ELP1: variants seen among roughly 807,000 people sequenced by gnomAD.
ELP1 encodes the protein elongator acetyltransferase complex subunit 1, also known as elongator complex protein 1.
Under a neutral mutation model 183.2 loss-of-function variants are expected in ELP1, and 131 were observed. The ratio of observed to expected loss-of-function variants is 0.72; its 90% CI spans 0.62 to 0.83. The LOEUF (loss-of-function observed/expected upper bound fraction) is 0.83. ELP1 is among the 40% of genes least tolerant of loss of function. ELP1 has a pLI of 0.00. For synonymous variants in ELP1, 555 were observed against 569.0 expected, an observed-to-expected ratio of 0.98 and a Z score of 0.35; for missense variants, 1,550 against 1,594.9, an observed-to-expected ratio of 0.97 and a Z score of 0.48.
chr9:108,909,902 C>G (rs540419076), intron 12 of ELP1, among the ~76,000 whole-genome samples: 1 of 151,978 alleles, frequency 6.6e-6, no homozygotes, highest in South Asian at 2.1e-4. Flanking sequence ...TAAAATTGAT[C>G]GTGGTGATGG....
At chr9:108,917,822 T>C (rs1829505292) in intron 8 of ELP1, 152 bp from the exon 9 acceptor site, 3 of 886,838 alleles carry the variant, frequency 3.4e-6, no homozygotes, top group South Asian at 1.4e-5. Flanking sequence ...ATCCCATGTG[T>C]CCCTTGTCTC....
At position 108,868,613 on chromosome 9, in the gene ELP1, G is replaced by C. The variant is rs56305287; in HGVS notation, c.*502C>G. The C allele has an allele frequency of 2.2e-6, 1 of 452,770 alleles. No homozygotes were observed. The highest frequency in any genetic ancestry group is 3.9e-6 in the Non-Finnish European group (1 of 259,648). The allele number at this position is 452,770 out of a possible 1,614,324, so 28.0% of individuals were successfully genotyped here. On this transcript the variant is annotated 3_prime_UTR_variant, in exon 37 of 37. Coordinates refer to ENST00000374647, the MANE Select transcript of ELP1 (RefSeq NM_003640.5). ...CCTGGTAAGATGTTACAAAATAATAGCTGTCAGCAAAGGAGGGCTTATAAT... is the reference window on the plus strand; with the variant it reads ...CCTGGTAAGATGTTACAAAATAATACCTGTCAGCAAAGGAGGGCTTATAAT...
chr9:108,880,294 G>C (rs1002307742), intron 31 of ELP1, 129 bp from the exon 32 acceptor site: 2 of 695,582 alleles, frequency 2.9e-6, no homozygotes, highest in African/African-American at 3.6e-5. Flanking sequence ...TTCCAAGCGA[G>C]CTCTTTTTCC....
intron 25 of ELP1, 81 bp from the exon 26 acceptor site, chr9:108,894,147 A>G (rs1828450818): frequency 1.2e-6 from 1 of 810,652 alleles, no homozygotes; most frequent in African/African-American, 1.7e-5. Context: ...ATATAGCAAT[A>G]AACCCAAAGC....
rs1828331005 is a variant in ELP1 at position 108,891,407 on chromosome 9, G to A, written c.2959-3C>T. On this transcript the variant is annotated splice_region_variant and splice_polypyrimidine_tract_variant and intron_variant, in intron 27 of 36. Coordinates refer to ENST00000374647, the MANE Select transcript of ELP1 (RefSeq NM_003640.5). Reference sequence around the variant, plus strand: ...TCCCCATAAGCAATGCTGATATCCTGTGACAAGAGGAGATTTAGGACTGAG... The same window carrying A: ...TCCCCATAAGCAATGCTGATATCCTATGACAAGAGGAGATTTAGGACTGAG... 3 of 1,612,436 alleles carry A rather than the reference G, an allele frequency of 1.9e-6. No individual in the cohort carries two copies. In the East Asian group the frequency reaches 6.7e-5, roughly 36 times the overall value.
chr9:108,899,398 T>A (rs1046070534), intron 20 of ELP1, among the ~76,000 whole-genome samples: 7 of 152,290 alleles, frequency 4.6e-5, no homozygotes, highest in African/African-American at 1.7e-4. Flanking sequence ...CCAAATAGGT[T>A]CAGAAAATCA....
In ELP1 at chr9:108,878,803, G is replaced by C; in HGVS notation, c.3573-53C>G. The C allele has an allele frequency of 1.9e-6, 3 of 1,598,884 alleles. No homozygotes were observed. The East Asian group carries it at 6.7e-5, about 36-fold the overall frequency. On this transcript the variant is annotated intron_variant, in intron 33 of 36. Transcript: ENST00000374647. ...AGCCTCCTGAGTAGCTAGGACTACA[G>C]GCATGTGCTACCTTGCCTGGCTACT...
chr9:108,877,077 T>A (rs894442562), intron 35 of ELP1, among the ~76,000 whole-genome samples: 1 of 152,156 alleles, frequency 6.6e-6, no homozygotes, highest in Non-Finnish European at 1.5e-5. Context: ...TCCTTCCAGT[T>A]TCCATTTACT....
Position 108,899,857 on chromosome 9 carries a change from G to A in ELP1, c.2169C>T (p.Ala723=), listed in dbSNP as rs1221473738. 6.2e-7 allele frequency: 1 copy of A among 1,613,928 alleles called. No homozygotes were observed. The highest frequency in any genetic ancestry group is 2.2e-5 in the East Asian group (1 of 44,872). ...RGNLEVVHHR[A]LVLAQIRKWL... ...ACTTCCGAATCTGAGCTAAAACCAGGGCTCGATGATGAACAACTTCTAAGT... is the reference window on the plus strand; with the variant it reads ...ACTTCCGAATCTGAGCTAAAACCAGAGCTCGATGATGAACAACTTCTAAGT... The change falls in exon 20 of 37, where the codon GCC becomes GCT. Residue 723 remains alanine, a synonymous_variant. Coordinates refer to ENST00000374647, the MANE Select transcript of ELP1 (RefSeq NM_003640.5).
chr9:108,917,537 A>G lies in ELP1; in HGVS notation c.864+10T>C. ...CTACATTCGAGGGTGAAACAAACTC[A>G]GGCACTTACCTTAACCTCATCTTTA... On this transcript the variant is annotated intron_variant, in intron 9 of 36. Coordinates refer to ENST00000374647, the MANE Select transcript of ELP1 (RefSeq NM_003640.5). 6.2e-7 allele frequency: 1 copy of G among 1,613,764 alleles called. No individual in the cohort carries two copies. The highest frequency in any genetic ancestry group is 8.5e-7 in the Non-Finnish European group (1 of 1,179,718).
chr9:108,904,398 A>G (rs1828943672), intron 14 of ELP1, among the ~76,000 whole-genome samples: 1 of 152,108 alleles, frequency 6.6e-6, no homozygotes, highest in Non-Finnish European at 1.5e-5. Context: ...CCACGGAAGC[A>G]GAATTTCTCA....
chr9:108,872,822 A>G (rs1587865487), intron 36 of ELP1, among the ~76,000 whole-genome samples: 2 of 64,486 alleles, frequency 3.1e-5, no homozygotes, highest in East Asian at 1.2e-3. Flanking sequence ...AAAAAAAAAA[A>G]AAAAAAAAAA....
intron 1 of ELP1, among the ~76,000 whole-genome samples, chr9:108,933,541 G>A (rs1340439030): frequency 2.6e-5 from 4 of 152,362 alleles, no homozygotes; most frequent in African/African-American, 9.6e-5. Context: ...CAGCACCCGA[G>A]CCTCTATTAA....
At chr9:108,892,576 AGGC>A (rs1828383072) in intron 27 of ELP1, among the ~76,000 whole-genome samples, 1 of 152,198 alleles carries the variant, frequency 6.6e-6, no homozygotes, top group Non-Finnish European at 1.5e-5. Flanking sequence ...GCACCCTATG[AGGC>A]TGTTAAGAGG....
chr9:108,874,759 G>T, intron 36 of ELP1, 136 bp downstream of exon 36: 1 of 693,668 alleles, frequency 1.4e-6, no homozygotes, highest in East Asian at 2.6e-5. Flanking sequence ...TCTTAGAATT[G>T]AGGAAGAATT....
At chr9:108,875,839 G>C in intron 35 of ELP1, 1 of 286,034 alleles carries the variant, frequency 3.5e-6, no homozygotes, top group Non-Finnish European at 7.0e-6. Flanking sequence ...AGGCATTCGA[G>C]GCTGCACCAA....
At chr9:108,917,754 C>G in intron 8 of ELP1, 84 bp from the exon 9 acceptor site, 1 of 1,403,446 alleles carries the variant, frequency 7.1e-7, no homozygotes, top group Non-Finnish European at 1.0e-6. Context: ...TTTTTTCCAG[C>G]AAACATGAAT....
chr9:108,930,546 C>T (rs1204848311), intron 2 of ELP1, among the ~76,000 whole-genome samples: 3 of 151,932 alleles, frequency 2.0e-5, no homozygotes, highest in Non-Finnish European at 4.4e-5. Flanking sequence ...AAAAATTAGC[C>T]GGGCGCGGTG....
intron 16 of ELP1, 57 bp from the exon 17 acceptor site, chr9:108,901,738 A>C: frequency 6.7e-7 from 1 of 1,502,816 alleles, no homozygotes; most frequent in Non-Finnish European, 9.3e-7. Context: ...AGTTAAACCT[A>C]CCTTTTCTAT....
Sources: allele counts gnomAD v4.1 joint callset (sites outside exome capture counted in the v4.1 genomes callset), GRCh38; gene constraint gnomAD v4.1.1; transcripts MANE v1.5; gene names NCBI Gene and HGNC (gene_info 2026-07-23, HGNC 2026-07-21).